The following CADM2 variants were observed in gnomAD, a reference collection of about 807,000 sequenced individuals.
The protein encoded by CADM2 is cell adhesion molecule 2.
Under a neutral mutation model 49.8 loss-of-function variants are expected in CADM2, and 12 were observed. The ratio of observed to expected loss-of-function variants is 0.24; its 90% CI spans 0.15 to 0.39. The LOEUF (loss-of-function observed/expected upper bound fraction) is 0.39. CADM2 is among the 10% of genes least tolerant of loss of function. The pLI is 1.00. For missense variants in CADM2, 378 were observed against 492.3 expected (o/e 0.77, Z 2.20); for synonymous variants, 214 against 175.4 (o/e 1.22, Z -1.74).
At chr3:84,978,762 A>G (rs1357531182) in intron 1 of CADM2, among the ~76,000 whole-genome samples, 1 of 152,210 alleles carries the variant, frequency 6.6e-6, no homozygotes, top group Non-Finnish European at 1.5e-5. Context: ...TAACTGAATT[A>G]TATGAAAACA....
intron 3 of CADM2, among the ~76,000 whole-genome samples, chr3:85,844,377 TG>T (rs2074783694): frequency 6.6e-6 from 1 of 152,100 alleles, no homozygotes; most frequent in African/African-American, 2.4e-5. Flanking sequence ...TTTTTTAAAA[TG>T]TGTTTTTAAA....
chr3:86,010,568 T>C (rs1731371489), intron 8 of CADM2, among the ~76,000 whole-genome samples: 1 of 151,264 alleles, frequency 6.6e-6, no homozygotes, highest in Non-Finnish European at 1.5e-5. Flanking sequence ...CTAACAAATA[T>C]ATAAGCTCTG....
chr3:85,870,566 T>C (rs2075889366), intron 3 of CADM2, among the ~76,000 whole-genome samples: 2 of 152,198 alleles, frequency 1.3e-5, no homozygotes, highest in African/African-American at 4.8e-5. Flanking sequence ...TCCATGATCC[T>C]GCAAAGGACA....
Position 85,726,536 on chromosome 3 carries a change from A to G in CADM2, c.76A>G (p.Asn26Asp), listed in dbSNP as rs776227664. The G allele has an allele frequency of 1.9e-5, 30 of 1,612,110 alleles. No homozygotes were observed. The highest frequency in any genetic ancestry group is 1.3e-4 in the East Asian group (6 of 44,776). Reference protein sequence around the residue: ...GLLLQAAASKNKVKGSQGQFP... With the variant: ...GLLLQAAASKDKVKGSQGQFP... ...CTTGGTACCAGCGGCTGCTTCAAAG[A>G]ATAAAGTTAAAGGTGAGCTCCTGTT... Residue 26 changes from asparagine (N) to aspartate (D), a missense_variant, in exon 2 of 10, where the codon AAT becomes GAT. Transcript: ENST00000383699.
chr3:84,959,666 A>G lies in CADM2; in HGVS notation c.59A>G (p.Gln20Arg). ...TACAGTGTCTGCGGGCTCCTGCTAC[A>G]AGGTAATCCCCGCCCCGGCGCAGGG... ...RFYSVCGLLL[Q>R]AAASKNKVKG... The change falls in exon 1 of 10, where the codon CAA (glutamine) becomes CGA (arginine). Residue 20 changes from glutamine (Q) to arginine (R), a missense_variant and splice_region_variant. Coordinates refer to ENST00000383699, the MANE Select transcript of CADM2 (RefSeq NM_001167675.2). 1 of 1,536,756 alleles carries G rather than the reference A, an allele frequency of 6.5e-7. No individual in the cohort carries two copies. Among genetic ancestry groups the G allele is most frequent in the Non-Finnish European group, 8.7e-7 (1 of 1,146,764 alleles).
intron 1 of CADM2, among the ~76,000 whole-genome samples, chr3:85,537,822 A>G (rs975316406): frequency 6.6e-6 from 1 of 152,114 alleles, no homozygotes; most frequent in African/African-American, 2.4e-5. Context: ...AGAACTAATT[A>G]TATATCAAAA....
chr3:85,194,149 G>A (rs1324528625), intron 1 of CADM2, among the ~76,000 whole-genome samples: 2 of 152,014 alleles, frequency 1.3e-5, no homozygotes, highest in Non-Finnish European at 2.9e-5. Context: ...AGGGGTTGTG[G>A]GAGAAGGAAG....
chr3:85,138,769 T>C (rs1460235208), intron 1 of CADM2, among the ~76,000 whole-genome samples: 1 of 152,180 alleles, frequency 6.6e-6, no homozygotes, highest in Non-Finnish European at 1.5e-5. Context: ...TGTGAGTGAA[T>C]ATTCAGGTTG....
intron 1 of CADM2, among the ~76,000 whole-genome samples, chr3:85,151,319 G>A (rs1259838432): frequency 6.6e-6 from 1 of 151,302 alleles, no homozygotes; most frequent in Non-Finnish European, 1.5e-5. Flanking sequence ...GAATGATTGT[G>A]TACTTTTTTT....
intron 8 of CADM2, among the ~76,000 whole-genome samples, chr3:86,037,275 A>G (rs1559816196): frequency 1.3e-5 from 2 of 152,190 alleles, no homozygotes; most frequent in African/African-American, 2.4e-5. Context: ...GTGTTACTTT[A>G]ATGTCAACGC....
At chr3:85,450,222 T>A (rs1045641137) in intron 1 of CADM2, among the ~76,000 whole-genome samples, 6 of 152,182 alleles carry the variant, frequency 3.9e-5, no homozygotes, top group East Asian at 1.9e-4. Flanking sequence ...GATTTTTTTT[T>A]AATTGTCACA....
At chr3:85,374,251 G>T (rs111893200) in intron 1 of CADM2, among the ~76,000 whole-genome samples, 2 of 152,114 alleles carry the variant, frequency 1.3e-5, no homozygotes, top group African/African-American at 4.8e-5. Context: ...AATTTATTCT[G>T]CCAGATACCC....
At position 85,551,174 on chromosome 3, in the gene CADM2, G is replaced by T. The variant is rs527786879; in HGVS notation, c.62-175348G>T. On this transcript the variant is annotated intron_variant, in intron 1 of 9. Transcript: ENST00000383699. ...GATTTTTTATTTTTGTAGAGACGAG[G>T]TTTCTCTATGTTGCCCAGGCTGGTC... 1.7e-3 allele frequency among the ~76,000 whole-genome samples: 256 copies of T among 152,198 alleles called. 1 individual carries two copies. The highest frequency in any genetic ancestry group is 5.9e-3 in the African/African-American group (245 of 41,534).
At chr3:85,156,866 A>G (rs571150855) in intron 1 of CADM2, among the ~76,000 whole-genome samples, 42 of 152,236 alleles carry the variant, frequency 2.8e-4, no homozygotes, top group African/African-American at 9.1e-4. Context: ...AGGAAATAAA[A>G]GGTATTCATT....
chr3:85,565,589 C>T (rs2062232488), intron 1 of CADM2, among the ~76,000 whole-genome samples: 2 of 151,994 alleles, frequency 1.3e-5, no homozygotes, highest in Admixed American at 6.6e-5. Context: ...TTTAACAATG[C>T]TCATATCTCT....
At chr3:85,540,577 T>C (rs1182447134) in intron 1 of CADM2, among the ~76,000 whole-genome samples, 1 of 152,166 alleles carries the variant, frequency 6.6e-6, no homozygotes, top group Non-Finnish European at 1.5e-5. Flanking sequence ...TGAGACTTGG[T>C]TTCAGAGTCC....
At chr3:85,311,618 C>T (rs549225257) in intron 1 of CADM2, among the ~76,000 whole-genome samples, 2 of 152,064 alleles carry the variant, frequency 1.3e-5, no homozygotes, top group East Asian at 1.9e-4. Flanking sequence ...TCTCGTGATC[C>T]GCCCGCCTCG....
chr3:85,152,796 A>C (rs1276130869), intron 1 of CADM2, among the ~76,000 whole-genome samples: 1 of 151,954 alleles, frequency 6.6e-6, no homozygotes, highest in Non-Finnish European at 1.5e-5. Context: ...TCTCTACTAA[A>C]AATACAAAAA....
intron 5 of CADM2, among the ~76,000 whole-genome samples, chr3:85,892,045 C>T (rs559704911): frequency 6.6e-6 from 1 of 152,322 alleles, no homozygotes; most frequent in East Asian, 1.9e-4. Flanking sequence ...ACACATCTGG[C>T]AAAGACTAGC....
Sources: gnomAD v4.1 joint callset for allele counts (sites outside exome capture counted in the v4.1 genomes callset) on GRCh38, gnomAD v4.1.1 for gene constraint, MANE v1.5 for transcripts, NCBI Gene and HGNC (gene_info 2026-07-23, HGNC 2026-07-21) for gene names.